The following ERI1 variants were observed in gnomAD, a reference collection of about 807,000 sequenced individuals.
ERI1 encodes 3'-5' exoribonuclease 1.
ERI1 carries 39 observed loss-of-function variants against 39.7 expected under a neutral mutation model. The ratio of observed to expected loss-of-function variants is 0.98; its 90% CI spans 0.76 to 1.28. The LOEUF is 1.28. ERI1 is among the 50% of genes most tolerant of loss of function. The pLI, the probability that ERI1 is intolerant of heterozygous loss-of-function variation, is 0.00. For missense variants in ERI1, 581 were observed against 416.9 expected (o/e 1.39, Z -3.43); for synonymous variants, 204 against 149.6 (o/e 1.36, Z -2.65).
chr8:9,009,924 T>G (rs1385598557), intron 2 of ERI1, among the ~76,000 whole-genome samples: 1 of 152,198 alleles, frequency 6.6e-6, no homozygotes, highest in South Asian at 2.1e-4. Context: ...GTAGCCAAGT[T>G]GTGAAGGAAC....
chr8:9,082,118 G>A (rs1197979446), intron 3 of ERI1, among the ~76,000 whole-genome samples: 1 of 152,164 alleles, frequency 6.6e-6, no homozygotes, highest in Non-Finnish European at 1.5e-5. Flanking sequence ...TACGACTCCA[G>A]GAAGTGAAGT....
Position 9,020,334 on chromosome 8 carries a change from CTT to C in ERI1, c.693-11_693-10del, listed in dbSNP as rs756214848. The C allele has an allele frequency of 1.4e-6, 2 of 1,468,738 alleles. No individual in the cohort carries two copies. Among genetic ancestry groups the C allele is most frequent in the Non-Finnish European group, 1.8e-6 (2 of 1,090,826 alleles). 91.0% of individuals were successfully genotyped at this position (1,468,738 alleles called of 1,614,324 possible). ...GCGTTTATTTCATCAATTTTTTGTCCTTTTTTAATTTATAGTTCTTGGGATAT... is the reference window on the plus strand; with the variant it reads ...GCGTTTATTTCATCAATTTTTTGTCCTTTTAATTTATAGTTCTTGGGATAT... On this transcript the variant is annotated splice_polypyrimidine_tract_variant and intron_variant, in intron 5 of 6. Transcript: ENST00000250263.
At position 9,030,115 on chromosome 8, in the gene ERI1, G is replaced by C; in HGVS notation, c.*81G>C. On this transcript the variant is annotated 3_prime_UTR_variant, in exon 7 of 7. Coordinates refer to ENST00000250263, the MANE Select transcript of ERI1 (RefSeq NM_153332.4). Reference sequence around the variant, plus strand: ...TGAATCTCATTGAATTAGTCCTGTAGTGCAAACTTTAAGCACCTTAAAACA... The same window carrying C: ...TGAATCTCATTGAATTAGTCCTGTACTGCAAACTTTAAGCACCTTAAAACA... The C allele has an allele frequency of 6.4e-7, 1 of 1,557,878 alleles. No homozygotes were observed. The highest frequency in any genetic ancestry group is 8.8e-7 in the Non-Finnish European group (1 of 1,141,390).
At chr8:9,061,334 G>A (rs1798688385) in intron 3 of ERI1, among the ~76,000 whole-genome samples, 1 of 152,158 alleles carries the variant, frequency 6.6e-6, no homozygotes, top group African/African-American at 2.4e-5. Context: ...TGAAGTCCGG[G>A]CCAGGAACAA....
At chr8:9,052,357 G>T (rs529239658) in intron 3 of ERI1, among the ~76,000 whole-genome samples, 3 of 151,656 alleles carry the variant, frequency 2.0e-5, no homozygotes, top group African/African-American at 7.3e-5. Flanking sequence ...GCAAAATTGA[G>T]TCAGGCGTCT....
At chr8:9,053,562 A>G (rs1798422038) in intron 3 of ERI1, among the ~76,000 whole-genome samples, 1 of 152,198 alleles carries the variant, frequency 6.6e-6, no homozygotes, top group Non-Finnish European at 1.5e-5. Context: ...TCATCAATAC[A>G]GTGCTTTGTT....
At chr8:9,038,648 T>G (rs1474013503) in intron 3 of ERI1, among the ~76,000 whole-genome samples, 2 of 152,178 alleles carry the variant, frequency 1.3e-5, no homozygotes, top group East Asian at 3.8e-4. Flanking sequence ...TCCCATCTAC[T>G]TGGGGGGCTG....
intron 5 of ERI1, among the ~76,000 whole-genome samples, chr8:9,019,954 C>A (rs977407128): frequency 6.6e-6 from 1 of 152,144 alleles, no homozygotes; most frequent in African/African-American, 2.4e-5. Flanking sequence ...TGTATTTTAA[C>A]CATTTGATAC....
intron 6 of ERI1, among the ~76,000 whole-genome samples, chr8:9,021,116 G>A (rs1430931009): frequency 6.6e-6 from 1 of 152,036 alleles, no homozygotes; most frequent in Non-Finnish European, 1.5e-5. Flanking sequence ...TTCAGTCAGA[G>A]CACTCAGTGT....
At chr8:9,072,022 C>T (rs574956646) in intron 3 of ERI1, among the ~76,000 whole-genome samples, 5 of 152,284 alleles carry the variant, frequency 3.3e-5, no homozygotes, top group Admixed American at 2.0e-4. Context: ...GTGGAGATTG[C>T]ACCACTGCAT....
At chr8:9,058,829 G>A (rs6994551) in intron 3 of ERI1, among the ~76,000 whole-genome samples, 21,304 of 141,936 alleles carry the variant, frequency 0.15, 1,637 homozygotes, top group African/African-American at 0.18. Flanking sequence ...TAAATAAACA[G>A]CAACTTCATT....
chr8:9,005,814 G>A (rs1050582316), intron 1 of ERI1, among the ~76,000 whole-genome samples: 3 of 152,182 alleles, frequency 2.0e-5, no homozygotes, highest in Non-Finnish European at 4.4e-5. Context: ...TTTTAAAGTA[G>A]TTTGCCACAA....
At chr8:9,072,497 C>G (rs1799083308) in intron 3 of ERI1, 1 of 152,020 alleles carries the variant, frequency 6.6e-6, no homozygotes. Flanking sequence ...TAGACAAATT[C>G]CAAAAGAGCT....
At chr8:9,005,504 GT>G (rs911960186) in intron 1 of ERI1, among the ~76,000 whole-genome samples, 2 of 147,544 alleles carry the variant, frequency 1.4e-5, no homozygotes, top group Middle Eastern at 3.3e-3. Flanking sequence ...TTCAACAACA[GT>G]TTTTTTATGT....
intron 6 of ERI1, among the ~76,000 whole-genome samples, 155 bp downstream of exon 6, chr8:9,020,619 T>C (rs1251813215): frequency 6.6e-6 from 1 of 152,200 alleles, no homozygotes; most frequent in African/African-American, 2.4e-5. Context: ...TATGTTCAAA[T>C]TAGATAAGCC....
At chr8:9,008,681 T>A (rs1195581183) in intron 2 of ERI1, among the ~76,000 whole-genome samples, 1 of 152,212 alleles carries the variant, frequency 6.6e-6, no homozygotes, top group Admixed American at 6.5e-5. Context: ...TGTATTTTAA[T>A]GAGATATACA....
chr8:9,074,329 T>C (rs1799142579), intron 3 of ERI1, among the ~76,000 whole-genome samples: 1 of 150,428 alleles, frequency 6.6e-6, no homozygotes, highest in African/African-American at 2.5e-5. Flanking sequence ...CAGGCTGGAC[T>C]TGAACTCCTG....
At chr8:9,019,805 C>A (rs972411357) in intron 5 of ERI1, among the ~76,000 whole-genome samples, 1 of 152,100 alleles carries the variant, frequency 6.6e-6, no homozygotes, top group Admixed American at 6.6e-5. Context: ...TTTATAATTT[C>A]CACTGCTATT....
Position 9,003,024 on chromosome 8 carries a change from T to G in ERI1, c.-40T>G, listed in dbSNP as rs1469253372. The stretch of plus-strand genomic sequence containing the variant: ...GCTCTGCAGAGTGAGAGTTAGCAAG[T>G]GTCCGGCTCCAGCAACTCTCCTCTG... On this transcript the variant is annotated 5_prime_UTR_variant, in exon 1 of 7. Coordinates refer to ENST00000250263, the MANE Select transcript of ERI1 (RefSeq NM_153332.4). The G allele has an allele frequency of 9.3e-6, 11 of 1,178,084 alleles. No individual in the cohort carries two copies. Among genetic ancestry groups the G allele is most frequent in the Non-Finnish European group, 1.2e-5 (11 of 926,470 alleles). 73.0% of individuals were successfully genotyped at this position (1,178,084 alleles called of 1,614,324 possible). A position where few individuals can be genotyped will look rare whatever the true frequency, so the allele number is the denominator to read the frequency against.
Sources: allele counts gnomAD v4.1 joint callset (sites outside exome capture counted in the v4.1 genomes callset), GRCh38; gene constraint gnomAD v4.1.1; transcripts MANE v1.5; gene names NCBI Gene and HGNC (gene_info 2026-07-23, HGNC 2026-07-21).